RAB38: variants seen among roughly 807,000 people sequenced by gnomAD.
RAB38 encodes RAB38, member RAS oncogene family, also known as ras-related protein Rab-38.
In RAB38, 15 loss-of-function variants were observed where a neutral mutation model predicts 18.4. The ratio of observed to expected loss-of-function variants is 0.82; its 90% CI spans 0.55 to 1.26. RAB38 has a LOEUF of 1.26. RAB38 is among the 50% of genes most tolerant of loss of function. RAB38 has a pLI of 0.00. For missense variants in RAB38, 294 were observed against 267.4 expected, an observed-to-expected ratio of 1.10 and a Z score of -0.69; for synonymous variants, 101 against 104.4, an observed-to-expected ratio of 0.97 and a Z score of 0.20.
chr11:88,127,736 G>A (rs1942717517), intron 2 of RAB38, among the ~76,000 whole-genome samples: 1 of 152,140 alleles, frequency 6.6e-6, no homozygotes, highest in Non-Finnish European at 1.5e-5. Context: ...TTATGATAAG[G>A]TATTATCCTC....
chr11:87,810,277 G>A, the RAB38 span, among the ~76,000 whole-genome samples: 1 of 151,758 alleles, frequency 6.6e-6, no homozygotes, highest in African/African-American at 2.4e-5. Context: ...TTTGAGATGG[G>A]GTCTTACTAT....
the RAB38 span, among the ~76,000 whole-genome samples, chr11:87,964,039 T>G: frequency 5.0e-4 from 76 of 152,290 alleles, no homozygotes; most frequent in African/African-American, 1.7e-3. Flanking sequence ...AACTGTGCAG[T>G]AAGTCCTCCA....
At chr11:87,963,817 T>C in the RAB38 span, among the ~76,000 whole-genome samples, 1 of 152,068 alleles carries the variant, frequency 6.6e-6, no homozygotes, top group South Asian at 2.1e-4. Context: ...TGGCTAATTT[T>C]TTGTATTTTT....
At chr11:88,068,660 G>A in the RAB38 span, among the ~76,000 whole-genome samples, 1 of 152,108 alleles carries the variant, frequency 6.6e-6, no homozygotes, top group East Asian at 1.9e-4. Flanking sequence ...ATTATTAAGA[G>A]CTCACACTTG....
the RAB38 span, among the ~76,000 whole-genome samples, chr11:87,889,684 G>T: frequency 0.18 from 27,412 of 151,794 alleles, 2,974 homozygotes; most frequent in East Asian, 0.42. Context: ...TGACAGAGTA[G>T]CTAAATAGAA....
chr11:87,961,434 G>C, the RAB38 span, among the ~76,000 whole-genome samples: 1 of 152,166 alleles, frequency 6.6e-6, no homozygotes, highest in South Asian at 2.1e-4. Context: ...ATTTTCTACA[G>C]AGTATCACAG....
the RAB38 span, among the ~76,000 whole-genome samples, chr11:87,922,371 C>G: frequency 6.6e-6 from 1 of 151,986 alleles, no homozygotes; most frequent in East Asian, 1.9e-4. Flanking sequence ...CAGAGTAACT[C>G]CTAAGTAGAA....
At chr11:87,914,374 C>A in the RAB38 span, among the ~76,000 whole-genome samples, 1 of 152,096 alleles carries the variant, frequency 6.6e-6, no homozygotes, top group Non-Finnish European at 1.5e-5. Flanking sequence ...GCCTTGTGTT[C>A]ACGCTGTAGG....
the RAB38 span, among the ~76,000 whole-genome samples, chr11:87,862,318 A>G: frequency 6.6e-6 from 1 of 152,056 alleles, no homozygotes; most frequent in Non-Finnish European, 1.5e-5. Flanking sequence ...ACCATGGAAT[A>G]CTATGCAGTC....
chr11:88,099,525 G>C, the RAB38 span, among the ~76,000 whole-genome samples: 3 of 151,854 alleles, frequency 2.0e-5, no homozygotes, highest in African/African-American at 7.2e-5. Context: ...TTATCAATTA[G>C]AATCTCCTAA....
chr11:88,033,121 G>T, the RAB38 span, among the ~76,000 whole-genome samples: 2 of 151,954 alleles, frequency 1.3e-5, no homozygotes, highest in South Asian at 2.1e-4. Context: ...GCAAACTATT[G>T]CAAGAACAAA....
the RAB38 span, among the ~76,000 whole-genome samples, chr11:87,924,636 A>G: frequency 6.6e-6 from 1 of 152,006 alleles, no homozygotes; most frequent in African/African-American, 2.4e-5. Flanking sequence ...ACTTTGCAGG[A>G]AAGGTGGCAT....
chr11:87,815,991 T>C, the RAB38 span: 265 of 152,458 alleles, frequency 1.7e-3, 1 homozygote, highest in African/African-American at 4.8e-3. Context: ...GTATCTGATA[T>C]ATAGTGTATG....
chr11:88,062,227 C>T, the RAB38 span: 3 of 151,920 alleles, frequency 2.0e-5, no homozygotes, highest in East Asian at 1.9e-4. Context: ...GGGGTGGTTT[C>T]CCCCATGCTA....
the RAB38 span, among the ~76,000 whole-genome samples, chr11:87,908,300 A>G: frequency 6.6e-6 from 1 of 151,958 alleles, no homozygotes; most frequent in African/African-American, 2.4e-5. Flanking sequence ...CTTTCCCACT[A>G]ATCTTTCTAA....
chr11:88,052,913 T>C, the RAB38 span, among the ~76,000 whole-genome samples: 2 of 18,218 alleles, frequency 1.1e-4, no homozygotes, highest in African/African-American at 5.7e-4. Flanking sequence ...TATATATATA[T>C]ATATATATAT....
chr11:88,069,256 G>C, the RAB38 span, among the ~76,000 whole-genome samples: 1 of 152,216 alleles, frequency 6.6e-6, no homozygotes, highest in Non-Finnish European at 1.5e-5. Context: ...TGCTGTGCTC[G>C]AATTCTTGCT....
chr11:88,159,356 A>C (rs1410925482), intron 1 of RAB38, among the ~76,000 whole-genome samples: 1 of 151,698 alleles, frequency 6.6e-6, no homozygotes, highest in East Asian at 1.9e-4. Flanking sequence ...AGAAAAAAAC[A>C]TTCCAAGCTC....
the RAB38 span, among the ~76,000 whole-genome samples, chr11:88,005,393 A>G: frequency 7.5e-6 from 1 of 132,510 alleles, no homozygotes; most frequent in Non-Finnish European, 1.6e-5. Flanking sequence ...GGAAATAAAA[A>G]CCATTAAAAA....
Sources: gnomAD v4.1 joint callset for allele counts (sites outside exome capture counted in the v4.1 genomes callset) on GRCh38, gnomAD v4.1.1 for gene constraint, MANE v1.5 for transcripts, NCBI Gene and HGNC (gene_info 2026-07-23, HGNC 2026-07-21) for gene names.